RBM18: variants seen among roughly 807,000 people sequenced by gnomAD.
The protein encoded by RBM18 is probable RNA-binding protein 18.
A neutral mutation model predicts 26.4 loss-of-function variants in RBM18; 18 were observed. The observed-to-expected ratio is 0.68, with a 90% CI of 0.47 to 1.01. The LOEUF is 1.01. RBM18 is among the 50% of genes least tolerant of loss of function. The pLI, the probability that RBM18 is intolerant of heterozygous loss-of-function variation, is 0.00. For synonymous variants in RBM18, 74 were observed against 81.1 expected, an observed-to-expected ratio of 0.91 and a Z score of 0.47; for missense variants, 180 against 219.2, an observed-to-expected ratio of 0.82 and a Z score of 1.13.
intron 2 of RBM18, among the ~76,000 whole-genome samples, chr9:122,252,633 C>T (rs778206937): frequency 5.4e-4 from 83 of 152,316 alleles, no homozygotes; most frequent in Middle Eastern, 3.4e-3. Flanking sequence ...TGACTGAGGC[C>T]GGTTTCACAA....
intron 2 of RBM18, among the ~76,000 whole-genome samples, chr9:122,257,176 T>C (rs983906230): frequency 2.0e-5 from 3 of 151,974 alleles, no homozygotes; most frequent in Non-Finnish European, 4.4e-5. Context: ...CCCAGGTTCA[T>C]GCCATTCTCC....
At chr9:122,255,635 A>C (rs966441818) in intron 2 of RBM18, among the ~76,000 whole-genome samples, 1 of 151,984 alleles carries the variant, frequency 6.6e-6, no homozygotes, top group Non-Finnish European at 1.5e-5. Flanking sequence ...CATTTCAATC[A>C]CTTTCCTCAT....
At chr9:122,256,686 C>CA (rs1029427958) in intron 2 of RBM18, among the ~76,000 whole-genome samples, 6 of 151,842 alleles carry the variant, frequency 4.0e-5, no homozygotes, top group Admixed American at 6.6e-5. Context: ...AATATTTGTG[C>CA]AAAAAAACAC....
intron 3 of RBM18, 134 bp from the exon 4 acceptor site, chr9:122,247,738 T>C: frequency 3.0e-6 from 2 of 669,056 alleles, no homozygotes; most frequent in South Asian, 3.4e-5. Context: ...GGCAAGGGTT[T>C]ACAATTTTAC....
intron 3 of RBM18, 121 bp downstream of exon 3, chr9:122,251,726 C>T: frequency 1.2e-6 from 1 of 824,330 alleles, no homozygotes. Flanking sequence ...GTAAGGCACA[C>T]AGATGAATCA....
rs1392417863 is a variant in RBM18 at position 122,240,653 on chromosome 9, G to A, written c.*1231C>T. On this transcript the variant is annotated 3_prime_UTR_variant, in exon 6 of 6. Transcript: ENST00000417201. ...AGTATGTCAAACTTGGCATCAAAATGACCAAAATGTGCTGAAGAAACACAT... is the reference window on the plus strand; with the variant it reads ...AGTATGTCAAACTTGGCATCAAAATAACCAAAATGTGCTGAAGAAACACAT... The A allele has an allele frequency of 1.3e-5, 2 of 152,210 alleles. No individual in the cohort carries two copies. Among genetic ancestry groups the A allele is most frequent in the African/African-American group, 4.8e-5 (2 of 41,452 alleles). 9.4% of individuals were successfully genotyped at this position (152,210 alleles called of 1,614,324 possible). A position where few individuals can be genotyped will look rare whatever the true frequency, so the allele number is the denominator to read the frequency against.
chr9:122,259,169 T>C (rs969970313), intron 2 of RBM18, among the ~76,000 whole-genome samples: 2 of 152,074 alleles, frequency 1.3e-5, no homozygotes, highest in African/African-American at 4.8e-5. Flanking sequence ...CTCCAACTTA[T>C]GACATAAACT....
chr9:122,248,692 T>G lies in RBM18; in HGVS notation c.241-1088A>C, dbSNP rs530680725. Among the ~76,000 whole-genome samples, 47 of 152,342 alleles carry G rather than the reference T, an allele frequency of 3.1e-4. 2 individuals are homozygous for G. The highest frequency in any genetic ancestry group is 1.1e-3 in the African/African-American group (44 of 41,586). On this transcript the variant is annotated intron_variant, in intron 3 of 5. Coordinates refer to ENST00000417201, the MANE Select transcript of RBM18 (RefSeq NM_033117.4). The stretch of plus-strand genomic sequence containing the variant: ...TCATTCCCAGGAAACCTGGCTGTAC[T>G]TTCCATCCTGCCAAACCTTCTTTGC...
chr9:122,262,816 C>T (rs2118979845), intron 1 of RBM18, among the ~76,000 whole-genome samples: 1 of 152,188 alleles, frequency 6.6e-6, no homozygotes. Context: ...AACTCCTGAC[C>T]CCAAGTGATC....
intron 1 of RBM18, among the ~76,000 whole-genome samples, chr9:122,261,998 G>A (rs535197124): frequency 7.2e-4 from 110 of 152,314 alleles, no homozygotes; most frequent in African/African-American, 2.5e-3. Context: ...AAATCTGTGC[G>A]TAGACAGAAC....
Position 122,264,782 on chromosome 9 carries a change from G to C in RBM18, c.-84C>G, listed in dbSNP as rs889418989. On this transcript the variant is annotated 5_prime_UTR_variant, in exon 1 of 6. Coordinates refer to ENST00000417201, the MANE Select transcript of RBM18 (RefSeq NM_033117.4). ...CAGGTCCCGACGCCGCGGTCAGACG[G>C]ACCTCTAGACGCGTCCGCCTCAATG... 2 of 152,328 alleles carry C rather than the reference G, an allele frequency of 1.3e-5. No individual in the cohort carries two copies. Among genetic ancestry groups the C allele is most frequent in the Non-Finnish European group, 2.9e-5 (2 of 68,092 alleles). The allele number at this position is 152,328 out of a possible 1,614,324, so 9.4% of individuals were successfully genotyped here.
At position 122,253,945 on chromosome 9, in the gene RBM18, T is replaced by A. The variant is rs571025736; in HGVS notation, c.114-1972A>T. On this transcript the variant is annotated intron_variant, in intron 2 of 5. Transcript: ENST00000417201. ...CAGGAGGCTGAGGCAAGAGAATCAC[T>A]TGAATCCGGGAGGCAGAGGTTGCAG... Among the ~76,000 whole-genome samples, 6 of 151,510 alleles carry A rather than the reference T, an allele frequency of 4.0e-5. No individual in the cohort carries two copies. The East Asian group carries it at 9.7e-4, about 24-fold the overall frequency.
intron 2 of RBM18, among the ~76,000 whole-genome samples, chr9:122,257,868 G>A (rs993860368): frequency 3.3e-5 from 5 of 152,176 alleles, no homozygotes; most frequent in Non-Finnish European, 7.4e-5. Flanking sequence ...GGAACTAGCA[G>A]CAATTTGTGG....
chr9:122,241,820 C>G lies in RBM18; in HGVS notation c.*64G>C. On this transcript the variant is annotated 3_prime_UTR_variant, in exon 6 of 6. Transcript: ENST00000417201. ...TAGTACCATTCACATCTACAAAGTA[C>G]ACAGGCAGACGATTTTAGGTGTGGA... The G allele has an allele frequency of 6.9e-7, 1 of 1,445,218 alleles. No individual in the cohort carries two copies. Among genetic ancestry groups the G allele is most frequent in the East Asian group, 2.3e-5 (1 of 44,022 alleles). 89.5% of individuals were successfully genotyped at this position (1,445,218 alleles called of 1,614,324 possible).
At chr9:122,260,988 T>A (rs990712361) in intron 2 of RBM18, among the ~76,000 whole-genome samples, 2 of 152,094 alleles carry the variant, frequency 1.3e-5, no homozygotes, top group African/African-American at 4.8e-5. Context: ...AGTCAAGTGG[T>A]CTCCTCTGCC....
intron 5 of RBM18, among the ~76,000 whole-genome samples, chr9:122,242,693 T>A (rs1831441501): frequency 6.6e-6 from 1 of 152,040 alleles, no homozygotes; most frequent in Non-Finnish European, 1.5e-5. Context: ...GGTCTTGTTC[T>A]GCCACCAAGG....
intron 5 of RBM18, among the ~76,000 whole-genome samples, chr9:122,244,912 T>C (rs928439725): frequency 1.3e-5 from 2 of 152,322 alleles, no homozygotes; most frequent in South Asian, 4.1e-4. Context: ...AAAATTAGTA[T>C]ATAATGACAA....
At chr9:122,244,485 G>A (rs1044011067) in intron 5 of RBM18, among the ~76,000 whole-genome samples, 3 of 152,176 alleles carry the variant, frequency 2.0e-5, no homozygotes, top group Admixed American at 1.3e-4. Context: ...CTACAAGACT[G>A]AATTTTGAGG....
intron 3 of RBM18, among the ~76,000 whole-genome samples, chr9:122,250,612 A>T (rs1324096831): frequency 6.6e-6 from 1 of 152,206 alleles, no homozygotes; most frequent in Non-Finnish European, 1.5e-5. Flanking sequence ...AAACCACAAT[A>T]TCAAGATACA....
Sources: gnomAD v4.1 joint callset for allele counts (sites outside exome capture counted in the v4.1 genomes callset) on GRCh38, gnomAD v4.1.1 for gene constraint, MANE v1.5 for transcripts, NCBI Gene and HGNC (gene_info 2026-07-23, HGNC 2026-07-21) for gene names.